The following ACSM2B variants were observed in gnomAD, a reference collection of about 807,000 sequenced individuals.
The protein encoded by ACSM2B is acyl-coenzyme A synthetase ACSM2B, mitochondrial.
Under a neutral mutation model 78.6 loss-of-function variants are expected in ACSM2B, and 58 were observed. The observed-to-expected ratio is 0.74, with a 90% CI of 0.60 to 0.92. ACSM2B has a LOEUF of 0.92. Among genes scored for constraint, ACSM2B ranks in the 40% least tolerant of loss-of-function variants. The probability of loss-of-function intolerance (pLI) is 0.00; values close to 1 mark genes in which losing one functional copy is unlikely to be tolerated. For synonymous variants in ACSM2B, 257 were observed against 256.8 expected (o/e 1.00, Z -0.01); for missense variants, 688 against 711.2 (o/e 0.97, Z 0.37).
chr16:20,552,052 A>C (rs1285186844), intron 6 of ACSM2B, 92 bp downstream of exon 6: 1 of 1,521,252 alleles, frequency 6.6e-7, no homozygotes, highest in Non-Finnish European at 8.8e-7. Context: ...GTTTAGCAAA[A>C]ATTAGATGAA....
chr16:20,544,067 C>A (rs560647592), intron 10 of ACSM2B, among the ~76,000 whole-genome samples: 19 of 152,170 alleles, frequency 1.2e-4, no homozygotes, highest in Non-Finnish European at 2.4e-4. Context: ...GAATCTGCCC[C>A]ACAGACGCTT....
At chr16:20,562,912 C>T (rs2015706558) in intron 2 of ACSM2B, among the ~76,000 whole-genome samples, 1 of 152,164 alleles carries the variant, frequency 6.6e-6, no homozygotes, top group African/African-American at 2.4e-5. Flanking sequence ...GATTCTACAG[C>T]AAGGAACTGA....
At chr16:20,555,933 C>G (rs1339483042) in intron 3 of ACSM2B, among the ~76,000 whole-genome samples, 1 of 152,048 alleles carries the variant, frequency 6.6e-6, no homozygotes, top group Non-Finnish European at 1.5e-5. Context: ...ATGCATTTTT[C>G]TTAGATGAGA....
Position 20,537,112 on chromosome 16 carries a change from T to G in ACSM2B, c.*146A>C, listed in dbSNP as rs114821960. 1,927 of 899,050 alleles carry G rather than the reference T, an allele frequency of 2.1e-3. 31 individuals are homozygous for G. The African/African-American group carries it at 0.029, about 14-fold the overall frequency. 55.7% of individuals were successfully genotyped at this position (899,050 alleles called of 1,614,324 possible). A position where few individuals can be genotyped will look rare whatever the true frequency, so the allele number is the denominator to read the frequency against. On this transcript the variant is annotated 3_prime_UTR_variant, in exon 14 of 14. Coordinates refer to ENST00000329697, the MANE Select transcript of ACSM2B (RefSeq NM_001105069.2). ...CTTATTTCAATATCTAACATAGTAATGTTTTGTGCTAATAACCAGGGCAAG... is the reference window on the plus strand; with the variant it reads ...CTTATTTCAATATCTAACATAGTAAGGTTTTGTGCTAATAACCAGGGCAAG...
At chr16:20,554,922 C>A (rs1048558755) in intron 4 of ACSM2B, among the ~76,000 whole-genome samples, 3 of 152,220 alleles carry the variant, frequency 2.0e-5, no homozygotes, top group Non-Finnish European at 4.4e-5. Context: ...CCACTCTTCA[C>A]GCATGAGTGC....
Position 20,566,388 on chromosome 16 carries a change from A to C in ACSM2B, c.-8-1535T>G, listed in dbSNP as rs575928024. ...TATCTATATAAAATATATATACTAC[A>C]TTATATGTGGATATATTATATATCA... On this transcript the variant is annotated intron_variant, in intron 1 of 13. Transcript: ENST00000329697. 5.4e-4 allele frequency among the ~76,000 whole-genome samples: 72 copies of C among 132,750 alleles called. 1 individual carries two copies. In the South Asian group the frequency reaches 0.016, roughly 29 times the overall value. The allele number at this position is 132,750 out of a possible 152,430, so 87.1% of individuals were successfully genotyped here. A position where few individuals can be genotyped will look rare whatever the true frequency, so the allele number is the denominator to read the frequency against.
At chr16:20,549,778 G>C (rs1366623536) in intron 6 of ACSM2B, 1 of 450,344 alleles carries the variant, frequency 2.2e-6, no homozygotes, top group African/African-American at 2.0e-5. Context: ...AAATACATTG[G>C]TTTGGTCCAG....
intron 10 of ACSM2B, 51 bp from the exon 11 acceptor site, chr16:20,543,313 C>T (rs1258205282): frequency 6.2e-7 from 1 of 1,612,810 alleles, no homozygotes; most frequent in East Asian, 2.2e-5. Context: ...CCTAAATCCC[C>T]TGCCCTGGGG....
chr16:20,548,781 GAGTATATCACCCCCC>G (rs970452316), intron 6 of ACSM2B, among the ~76,000 whole-genome samples: 1 of 152,042 alleles, frequency 6.6e-6, no homozygotes, highest in Non-Finnish European at 1.5e-5. Flanking sequence ...ACACCCCTAG[GAGTATATCACCCCCC>G]AGCAACCAAG....
chr16:20,550,099 C>T (rs921040137), intron 6 of ACSM2B, among the ~76,000 whole-genome samples: 22 of 152,108 alleles, frequency 1.4e-4, no homozygotes, highest in Admixed American at 1.1e-3. Flanking sequence ...GAAACAGTCT[C>T]TCAGGTTAAA....
Position 20,540,768 on chromosome 16 carries a change from C to T in ACSM2B, c.1515G>A (p.Val505=), listed in dbSNP as rs2014967364. 1 of 1,613,758 alleles carries T rather than the reference C, an allele frequency of 6.2e-7. No homozygotes were observed. Among genetic ancestry groups the T allele is most frequent in the Non-Finnish European group, 8.5e-7 (1 of 1,179,776 alleles). The change falls in exon 13 of 14, where the codon GTG becomes GTA. Residue 505 remains valine, a synonymous_variant. Coordinates refer to ENST00000329697, the MANE Select transcript of ACSM2B (RefSeq NM_001105069.2). The part of the protein sequence containing the change: ...SSPDPVRGEV[V]KAFVILASQF... The stretch of plus-strand genomic sequence containing the variant: ...GCGAGGCCAGGATCACAAATGCCTT[C>T]ACCACCTGCAAAATAGATGAAGGCC...
At chr16:20,555,588 T>A in intron 3 of ACSM2B, 112 bp from the exon 4 acceptor site, 2 of 1,530,948 alleles carry the variant, frequency 1.3e-6, no homozygotes, top group Non-Finnish European at 1.8e-6. Context: ...GATGGGGAAG[T>A]AATGACCAAT....
chr16:20,547,260 T>A, intron 8 of ACSM2B: 1 of 985,466 alleles, frequency 1.0e-6, no homozygotes, highest in Non-Finnish European at 1.2e-6. Context: ...CTCCTCTGAA[T>A]GGTGGGAGGC....
chr16:20,545,947 C>T (rs1220938651), intron 9 of ACSM2B, among the ~76,000 whole-genome samples: 1 of 152,080 alleles, frequency 6.6e-6, no homozygotes, highest in African/African-American at 2.4e-5. Flanking sequence ...GGACATCATC[C>T]CTTGGTCCGA....
chr16:20,550,616 C>T (rs1055413548), intron 6 of ACSM2B, among the ~76,000 whole-genome samples: 20 of 152,210 alleles, frequency 1.3e-4, no homozygotes, highest in East Asian at 3.9e-4. Context: ...AAAATCCAGA[C>T]CACACCTGGC....
At chr16:20,560,536 C>T (rs1383250694) in intron 2 of ACSM2B, among the ~76,000 whole-genome samples, 1 of 152,058 alleles carries the variant, frequency 6.6e-6, no homozygotes, top group Non-Finnish European at 1.5e-5. Context: ...CAGATGCCAG[C>T]ACACTTCCTG....
chr16:20,546,813 C>T, intron 8 of ACSM2B: 2 of 221,866 alleles, frequency 9.0e-6, no homozygotes, highest in Non-Finnish European at 1.7e-5. Flanking sequence ...AATATGCAAT[C>T]TGTAAGACCT....
Position 20,559,316 on chromosome 16 carries a change from C to A in ACSM2B, c.309G>T (p.Leu103=), listed in dbSNP as rs1738349453. 16 of 1,612,970 alleles carry A rather than the reference C, an allele frequency of 9.9e-6. No homozygotes were observed. Among genetic ancestry groups the A allele is most frequent in the Non-Finnish European group, 1.4e-5 (16 of 1,179,558 alleles). ...TCACTGCCACACGATCCCCACGCTG[C>A]AGGCCACAGGCTCCCGAGAGGATGT... is the stretch of plus-strand genomic sequence containing the variant. ...AANILSGACG[L]QRGDRVAVML... Residue 103 remains leucine, a synonymous_variant, in exon 3 of 14, where the codon CTG becomes CTT. Coordinates refer to ENST00000329697, the MANE Select transcript of ACSM2B (RefSeq NM_001105069.2).
chr16:20,545,379 A>G, intron 9 of ACSM2B, 121 bp from the exon 10 acceptor site: 2 of 1,172,102 alleles, frequency 1.7e-6, no homozygotes, highest in Non-Finnish European at 2.3e-6. Flanking sequence ...ACTGAAAACG[A>G]CAACCAAAAA....
Sources: gnomAD v4.1 joint callset for allele counts (sites outside exome capture counted in the v4.1 genomes callset) on GRCh38, gnomAD v4.1.1 for gene constraint, MANE v1.5 for transcripts, NCBI Gene and HGNC (gene_info 2026-07-23, HGNC 2026-07-21) for gene names.